The following SMYD3 variants were observed in gnomAD, a reference collection of about 807,000 sequenced individuals.
The protein encoded by SMYD3 is histone-lysine N-methyltransferase SMYD3.
Under a neutral mutation model 57.7 loss-of-function variants are expected in SMYD3, and 36 were observed. The observed-to-expected ratio is 0.62, with a 90% CI of 0.48 to 0.82. SMYD3 has a LOEUF of 0.82. Ranked by LOEUF, SMYD3 falls within the 40% of genes least tolerant of loss-of-function variation. SMYD3 has a pLI of 0.00. For missense variants in SMYD3, 515 were observed against 538.8 expected (o/e 0.96, Z 0.44); for synonymous variants, 211 against 195.0 (o/e 1.08, Z -0.68).
At chr1:246,336,978 T>A (rs1198361049) in intron 2 of SMYD3, among the ~76,000 whole-genome samples, 8 of 152,218 alleles carry the variant, frequency 5.3e-5, no homozygotes, top group African/African-American at 1.9e-4. Flanking sequence ...CAGGAGGGAT[T>A]TATTCCAAGA....
Position 246,380,964 on chromosome 1 carries a change from C to T in SMYD3, c.165-25870G>A, listed in dbSNP as rs150518032. Among the ~76,000 whole-genome samples the T allele has an allele frequency of 3.9e-3, 587 of 152,126 alleles. 2 individuals carry two copies. The highest frequency in any genetic ancestry group is 0.012 in the African/African-American group (513 of 41,484). Reference sequence around the variant, plus strand: ...CCAGGTGTCAGATGGATGCTCAATTCGCTAAGAATGATGTTGCCAGTAATG... The same window carrying T: ...CCAGGTGTCAGATGGATGCTCAATTTGCTAAGAATGATGTTGCCAGTAATG... On this transcript the variant is annotated intron_variant, in intron 1 of 11. Coordinates refer to ENST00000490107, the MANE Select transcript of SMYD3 (RefSeq NM_001167740.2).
chr1:245,829,118 C>CT (rs10701402), intron 10 of SMYD3, among the ~76,000 whole-genome samples: 10,549 of 139,812 alleles, frequency 0.075, 1,302 homozygotes, highest in African/African-American at 0.26. Flanking sequence ...AAGACAATCA[C>CT]TTTTTTTTTT....
In SMYD3 at chr1:246,162,215, T is replaced by C. The variant is rs80053144; in HGVS notation, c.531+164986A>G. Among the ~76,000 whole-genome samples the C allele has an allele frequency of 3.2e-3, 488 of 152,288 alleles. 4 individuals are homozygous for C. Among genetic ancestry groups the C allele is most frequent in the African/African-American group, 0.011 (459 of 41,558 alleles). On this transcript the variant is annotated intron_variant, in intron 5 of 11. Coordinates refer to ENST00000490107, the MANE Select transcript of SMYD3 (RefSeq NM_001167740.2). ...TAATTGAAATGCCAACAACTCCAAG[T>C]TGGCTAAGTGAAAAGAGAGTCTTAC...
intron 1 of SMYD3, among the ~76,000 whole-genome samples, chr1:246,399,709 C>T (rs1218973299): frequency 6.6e-6 from 1 of 152,154 alleles, no homozygotes; most frequent in Non-Finnish European, 1.5e-5. Context: ...GAAAAAGACA[C>T]ATGCCTATCC....
At chr1:246,122,226 A>C (rs1330935084) in intron 5 of SMYD3, among the ~76,000 whole-genome samples, 2 of 151,530 alleles carry the variant, frequency 1.3e-5, no homozygotes, top group Non-Finnish European at 2.9e-5. Context: ...CCTGAGCAAC[A>C]TGGCAAGATC....
intron 5 of SMYD3, among the ~76,000 whole-genome samples, chr1:246,220,664 G>A (rs1194791679): frequency 1.3e-5 from 2 of 152,188 alleles, no homozygotes; most frequent in Non-Finnish European, 2.9e-5. Flanking sequence ...ATGGGGCCTG[G>A]TCACCAGTGA....
chr1:246,483,831 C>T (rs1435917793), intron 1 of SMYD3: 1 of 152,202 alleles, frequency 6.6e-6, no homozygotes, highest in African/African-American at 2.4e-5. Context: ...CAATCCAAGT[C>T]ATTTTGTGGT....
intron 5 of SMYD3, among the ~76,000 whole-genome samples, chr1:246,180,054 C>A (rs1273711662): frequency 6.6e-6 from 1 of 151,360 alleles, no homozygotes; most frequent in East Asian, 2.0e-4. Flanking sequence ...ATGCCAATAA[C>A]CCCAGCACTT....
chr1:246,443,407 C>G (rs529328602), intron 1 of SMYD3, among the ~76,000 whole-genome samples: 3 of 152,320 alleles, frequency 2.0e-5, no homozygotes, highest in Non-Finnish European at 4.4e-5. Context: ...AGGCAACAGT[C>G]TCCTATAGAA....
chr1:245,793,035 G>A (rs1430008900), intron 10 of SMYD3, among the ~76,000 whole-genome samples: 3 of 151,734 alleles, frequency 2.0e-5, no homozygotes, highest in Admixed American at 6.6e-5. Flanking sequence ...TATAGGCCAG[G>A]CACAGTGGCT....
intron 5 of SMYD3, among the ~76,000 whole-genome samples, chr1:246,002,509 G>A (rs1440386265): frequency 1.2e-5 from 1 of 82,068 alleles, no homozygotes; most frequent in African/African-American, 4.1e-5. Flanking sequence ...TAGTAGAGAC[G>A]GGGTTTCACC....
chr1:245,839,415 C>T (rs954532906), intron 10 of SMYD3, among the ~76,000 whole-genome samples: 12 of 152,034 alleles, frequency 7.9e-5, no homozygotes, highest in African/African-American at 2.4e-4. Flanking sequence ...GTGATCCGCC[C>T]ACCTCGGCCT....
intron 10 of SMYD3, among the ~76,000 whole-genome samples, chr1:245,834,858 C>T (rs902071175): frequency 6.6e-6 from 1 of 152,176 alleles, no homozygotes; most frequent in Admixed American, 6.5e-5. Flanking sequence ...TGGTGGGTAA[C>T]ATGCATACAT....
chr1:246,187,944 T>C (rs1268627125), intron 5 of SMYD3, among the ~76,000 whole-genome samples: 1 of 152,068 alleles, frequency 6.6e-6, no homozygotes, highest in African/African-American at 2.4e-5. Context: ...TGGCTCACAT[T>C]CCTCACGTGC....
intron 5 of SMYD3, among the ~76,000 whole-genome samples, chr1:246,258,678 G>T (rs995504083): frequency 6.6e-6 from 1 of 152,114 alleles, no homozygotes; most frequent in Non-Finnish European, 1.5e-5. Flanking sequence ...ACCTTGAACA[G>T]TTTGGTGACT....
chr1:246,383,972 A>T (rs2148756239), intron 1 of SMYD3, among the ~76,000 whole-genome samples: 1 of 152,256 alleles, frequency 6.6e-6, no homozygotes, highest in South Asian at 2.1e-4. Flanking sequence ...CATTAAATAA[A>T]ATTAAAAGAT....
At chr1:245,752,744 G>GA (rs1349479875) in intron 11 of SMYD3, among the ~76,000 whole-genome samples, 5 of 152,192 alleles carry the variant, frequency 3.3e-5, no homozygotes, top group Non-Finnish European at 7.3e-5. Context: ...CAGGAAGGGG[G>GA]AGTTTCCTGG....
At chr1:245,915,687 A>T in intron 7 of SMYD3, 47 bp from the exon 8 acceptor site, 1 of 1,222,426 alleles carries the variant, frequency 8.2e-7, no homozygotes, top group Non-Finnish European at 1.2e-6. Flanking sequence ...TGCTGTGCTC[A>T]TTTCTTTAAC....
intron 10 of SMYD3, among the ~76,000 whole-genome samples, chr1:245,777,098 A>G (rs183630340): frequency 6.6e-6 from 1 of 152,348 alleles, no homozygotes; most frequent in Admixed American, 6.5e-5. Context: ...CGTAATGGAC[A>G]ACCATGAATA....
Sources: gnomAD v4.1 joint callset for allele counts (sites outside exome capture counted in the v4.1 genomes callset) on GRCh38, gnomAD v4.1.1 for gene constraint, MANE v1.5 for transcripts, NCBI Gene and HGNC (gene_info 2026-07-23, HGNC 2026-07-21) for gene names.